FAT1: variants seen among roughly 807,000 people sequenced by gnomAD.
The protein encoded by FAT1 is FAT atypical cadherin 1, also known as protocadherin Fat 1.
Under a neutral mutation model 329.8 loss-of-function variants are expected in FAT1, and 171 were observed. That is an observed-to-expected ratio of 0.52 (90% CI 0.46 to 0.59). FAT1 has a LOEUF of 0.59. Ranked by LOEUF, FAT1 falls within the 20% of genes least tolerant of loss-of-function variation. The probability of loss-of-function intolerance (pLI) is 0.00; values close to 1 mark genes in which losing one functional copy is unlikely to be tolerated. For missense variants in FAT1, 5,672 were observed against 5,774.4 expected, an observed-to-expected ratio of 0.98 and a Z score of 0.57; for synonymous variants, 2,233 against 2,228.6, an observed-to-expected ratio of 1.00 and a Z score of -0.06.
At chr4:186,624,988 A>G (rs1253018356) in intron 9 of FAT1, among the ~76,000 whole-genome samples, 9 of 152,176 alleles carry the variant, frequency 5.9e-5, no homozygotes, top group Non-Finnish European at 1.0e-4. Context: ...TCCTAATTCT[A>G]TGCCAGAATA....
intron 22 of FAT1, among the ~76,000 whole-genome samples, chr4:186,599,434 T>C (rs1241862366): frequency 1.3e-5 from 2 of 152,256 alleles, no homozygotes; most frequent in Non-Finnish European, 2.9e-5. Flanking sequence ...GACAGACAGA[T>C]ATGGCAACAC....
intron 2 of FAT1, among the ~76,000 whole-genome samples, chr4:186,689,238 T>A (rs1469487408): frequency 6.6e-6 from 1 of 152,190 alleles, no homozygotes. Context: ...ATAAAGAAGA[T>A]TTGTATCTTG....
intron 4 of FAT1, among the ~76,000 whole-genome samples, chr4:186,638,568 T>C (rs1049432550): frequency 6.6e-6 from 1 of 152,036 alleles, no homozygotes; most frequent in Non-Finnish European, 1.5e-5. Flanking sequence ...GGGAAAGCAC[T>C]GTGGCTGTGA....
rs147800498 is a variant in FAT1 at position 186,692,352 on chromosome 4, G to T, written c.3265+14211C>A. Among the ~76,000 whole-genome samples the T allele has an allele frequency of 2.0e-4, 30 of 151,410 alleles. No individual in the cohort carries two copies. In the East Asian group the frequency reaches 5.2e-3, roughly 26 times the overall value. On this transcript the variant is annotated intron_variant, in intron 2 of 26. Coordinates refer to ENST00000441802, the MANE Select transcript of FAT1 (RefSeq NM_005245.4). Reference sequence around the variant, plus strand: ...TTTTGAGACGGAGTCTCGCTCTGTCGCCCAGGCTGGAGTGCAGTGGCGCAA... The same window carrying T: ...TTTTGAGACGGAGTCTCGCTCTGTCTCCCAGGCTGGAGTGCAGTGGCGCAA...
chr4:186,681,056 G>C (rs1357091842), intron 2 of FAT1, among the ~76,000 whole-genome samples: 1 of 152,212 alleles, frequency 6.6e-6, no homozygotes, highest in African/African-American at 2.4e-5. Context: ...CACTGGTCAA[G>C]AGTATCACCG....
chr4:186,607,137 G>C (rs1251103997), intron 16 of FAT1, among the ~76,000 whole-genome samples: 1 of 152,138 alleles, frequency 6.6e-6, no homozygotes, highest in African/African-American at 2.4e-5. Flanking sequence ...ATTTAATGAG[G>C]TATCTCATCA....
chr4:186,664,354 A>G (rs968787945), intron 2 of FAT1, among the ~76,000 whole-genome samples: 2 of 152,338 alleles, frequency 1.3e-5, no homozygotes, highest in African/African-American at 2.4e-5. Context: ...TATAAACTCC[A>G]AAAGGGCAGA....
rs1033082271 is a variant in FAT1, at chr4:186,589,198, A to G, written c.13161T>C (p.Asp4387=). 1.9e-6 allele frequency: 3 copies of G among 1,612,734 alleles called. No individual in the cohort carries two copies. Among genetic ancestry groups the G allele is most frequent in the East Asian group, 4.5e-5 (2 of 44,882 alleles). ...CCGGCAGAGGAACGCTTGGCATCCA[A>G]TCTGATGTATCCCAGTGATACCCTT... ...DDNGYHWDTS[D]WMPSVPLPDI... is the part of the protein sequence containing the mutation. Residue 4387 remains aspartate, a synonymous_variant, in exon 27 of 27, where the codon GAT becomes GAC. Coordinates refer to ENST00000441802, the MANE Select transcript of FAT1 (RefSeq NM_005245.4).
chr4:186,718,232 T>G (rs1381376948), intron 1 of FAT1, among the ~76,000 whole-genome samples: 1 of 152,140 alleles, frequency 6.6e-6, no homozygotes, highest in African/African-American at 2.4e-5. Flanking sequence ...TTCTCTCTTC[T>G]TACACCTCAG....
intron 2 of FAT1, 121 bp from the exon 3 acceptor site, chr4:186,663,734 T>C (rs1231990117): frequency 8.3e-6 from 6 of 720,950 alleles, no homozygotes; most frequent in Admixed American, 2.9e-5. Flanking sequence ...GTGCATAACC[T>C]TGAGCAGGTT....
At position 186,618,809 on chromosome 4, in the gene FAT1, C is replaced by T. The variant is rs1008654148; in HGVS notation, c.7777G>A (p.Ala2593Thr). Residue 2593 changes from alanine to threonine, a missense_variant, in exon 10 of 27, where the codon GCA becomes ACA. Physicochemically the swap from Ala to Thr is moderately conservative, Grantham distance 58. This residue lies in a region of FAT1 where 3,966 missense variants were observed against 3,915.2 expected (regional missense o/e 1.01). Coordinates refer to ENST00000441802, the MANE Select transcript of FAT1 (RefSeq NM_005245.4). ...TATTTGGTTGCTCGAAATTGTGGTG[C>T]ATTGTCATTGTCATCTGTAAGGATG... ...NVILTDDNDN[A>T]PQFRATKYEV... 42 of 1,613,880 alleles carry T rather than the reference C, an allele frequency of 2.6e-5. 1 individual carries two copies. In the East Asian group the frequency reaches 8.7e-4, roughly 33 times the overall value.
chr4:186,646,089 C>T (rs148152084), intron 3 of FAT1, among the ~76,000 whole-genome samples: 272 of 151,770 alleles, frequency 1.8e-3, no homozygotes, highest in African/African-American at 5.0e-3. Flanking sequence ...CAAGCACTTG[C>T]AATCTGTAGT....
At chr4:186,629,508 T>C (rs1021141160) in intron 7 of FAT1, among the ~76,000 whole-genome samples, 2 of 152,216 alleles carry the variant, frequency 1.3e-5, no homozygotes, top group Admixed American at 6.5e-5. Flanking sequence ...ATTTCCATAA[T>C]GAAAAGACGT....
intron 17 of FAT1, among the ~76,000 whole-genome samples, chr4:186,605,522 G>T: frequency 8.0e-6 from 1 of 125,342 alleles, no homozygotes; most frequent in Non-Finnish European, 1.7e-5. Flanking sequence ...GTGGGGAGGG[G>T]AGTGGGGAGG....
At position 186,597,697 on chromosome 4, in the gene FAT1, C is replaced by A; in HGVS notation, c.12353G>T (p.Gly4118Val). The change falls in exon 24 of 27, where the codon GGT becomes GTT. Residue 4118 changes from glycine to valine, a missense_variant. Physicochemically the swap from Gly to Val is moderately radical, Grantham distance 109. Around this residue, in one of 2 missense-constraint regions of FAT1, gnomAD observed 1,706 missense variants for 1,859.1 expected, o/e 0.92. Transcript: ENST00000441802. ...AACCATTTACCTTTCTCCCCTAAAA[C>A]CCGAATCACACTGACAAACGGCGCC... Reference protein sequence around the residue: ...LDGAVCQCDSGFRGERCQSDI... With the variant: ...LDGAVCQCDSVFRGERCQSDI... 6.2e-7 allele frequency: 1 copy of A among 1,613,694 alleles called. No homozygotes were observed. The highest frequency in any genetic ancestry group is 8.5e-7 in the Non-Finnish European group (1 of 1,179,712).
intron 2 of FAT1, among the ~76,000 whole-genome samples, chr4:186,675,782 AACAC>A (rs66981811): frequency 0.083 from 11,905 of 143,024 alleles, 478 homozygotes; most frequent in Middle Eastern, 0.11. Context: ...CCCTGTCTAA[AACAC>A]ACACACACAC....
intron 3 of FAT1, among the ~76,000 whole-genome samples, chr4:186,642,014 AAAAC>A (rs1406632984): frequency 2.0e-5 from 3 of 151,928 alleles, no homozygotes; most frequent in Admixed American, 2.0e-4. Context: ...CAAAAAAAAA[AAAAC>A]AAAATCCACA....
intron 6 of FAT1, 39 bp downstream of exon 6, chr4:186,635,986 T>A: frequency 6.4e-7 from 1 of 1,573,088 alleles, no homozygotes; most frequent in Middle Eastern, 1.8e-4. Flanking sequence ...CTCCTCAGTG[T>A]AACCCATACG....
At chr4:186,670,487 C>T (rs542789248) in intron 2 of FAT1, among the ~76,000 whole-genome samples, 4 of 152,242 alleles carry the variant, frequency 2.6e-5, no homozygotes, top group African/African-American at 4.8e-5. Flanking sequence ...ACAATACTCA[C>T]GGAAAAAGAA....
Sources: gnomAD v4.1 joint callset for allele counts (sites outside exome capture counted in the v4.1 genomes callset) on GRCh38, gnomAD v4.1.1 for gene constraint, gnomAD v4.1.1 regional missense constraint, MANE v1.5 for transcripts, NCBI Gene and HGNC (gene_info 2026-07-23, HGNC 2026-07-21) for gene names.